The following PGAP1 variants were observed in gnomAD, a reference collection of about 807,000 sequenced individuals.
PGAP1 encodes post-GPI attachment to proteins inositol deacylase 1, also known as GPI inositol-deacylase.
A neutral mutation model predicts 127.0 loss-of-function variants in PGAP1; 76 were observed. That is an observed-to-expected ratio of 0.60 (90% confidence interval 0.50 to 0.72). The LOEUF (loss-of-function observed/expected upper bound fraction) is 0.72, where lower values mean the gene tolerates loss of function less well. Among genes scored for constraint, PGAP1 ranks in the 30% least tolerant of loss-of-function variants. PGAP1 has a pLI of 0.00. For missense variants in PGAP1, 982 were observed against 1,071.3 expected (o/e 0.92, Z 1.16); for synonymous variants, 362 against 366.5 (o/e 0.99, Z 0.14).
At chr2:196,873,817 T>G in intron 14 of PGAP1, 59 bp from the exon 15 acceptor site, 2 of 1,141,446 alleles carry the variant, frequency 1.8e-6, no homozygotes, top group South Asian at 2.6e-5. Flanking sequence ...AAAAACATAC[T>G]GATTATTTAA....
Position 196,872,502 on chromosome 2 carries a change from G to A in PGAP1, c.1667C>T (p.Pro556Leu). 1 of 1,613,420 alleles carries A rather than the reference G, an allele frequency of 6.2e-7. No homozygotes were observed. The highest frequency in any genetic ancestry group is 1.3e-5 in the African/African-American group (1 of 75,028). The change falls in exon 18 of 27, where the codon CCA becomes CTA. Residue 556 changes from proline (P) to leucine (L), a missense_variant. Pro to Leu is a moderately conservative substitution (Grantham distance 98). Transcript: ENST00000354764. Reference sequence around the variant, plus strand: ...TAATGCCACATGGGTATTGTTTTCTGGTTGAGCAATATGGAGTTTCAGAGA... The same window carrying A: ...TAATGCCACATGGGTATTGTTTTCTAGTTGAGCAATATGGAGTTTCAGAGA... ...EISLKLHIAQ[P>L]ENNTHVALFK...
At position 196,916,428 on chromosome 2, in the gene PGAP1, T is replaced by C. The variant is rs1464448294; in HGVS notation, c.467A>G (p.Lys156Arg). The change falls in exon 3 of 27, where the codon AAA becomes AGA. Residue 156 changes from lysine to arginine, a missense_variant. Lys to Arg is a conservative substitution (Grantham distance 26). Transcript: ENST00000354764. ...ATACTTATCTCTCACCTTATAGAGT[T>C]TGAGAATTGTTTTAATACATTCATG... ...FVHECIKTIL[K>R]LYKGQEFAPK... The C allele has an allele frequency of 2.5e-6, 4 of 1,608,250 alleles. No individual in the cohort carries two copies. The highest frequency in any genetic ancestry group is 2.2e-5 in the South Asian group (2 of 89,806).
At chr2:196,857,267 G>A (rs574701422) in intron 20 of PGAP1, among the ~76,000 whole-genome samples, 2 of 152,272 alleles carry the variant, frequency 1.3e-5, no homozygotes, top group South Asian at 2.1e-4. Context: ...TTAAATTTTT[G>A]TAGAAATACA....
intron 1 of PGAP1, chr2:196,922,709 C>T (rs1703243149): frequency 4.0e-6 from 1 of 250,278 alleles, no homozygotes; most frequent in Non-Finnish European, 6.1e-6. Flanking sequence ...AGACAGGGTC[C>T]CACTCTTGTT....
At chr2:196,897,282 G>T in intron 6 of PGAP1, 85 bp from the exon 7 acceptor site, 1 of 780,088 alleles carries the variant, frequency 1.3e-6, no homozygotes, top group South Asian at 2.4e-5. Flanking sequence ...ATTGTTTAGT[G>T]GAACATTTGA....
rs1451881190 is a variant in PGAP1 at position 196,880,145 on chromosome 2, T to A, written c.1281A>T (p.Thr427=). Residue 427 remains threonine (T), a synonymous_variant, in exon 13 of 27, where the codon ACA becomes ACT. Transcript: ENST00000354764. ...AELLPTIKYL[T]LRLQDYPSLS... ...AAGATGGATAGTCTTGAAGTCTTAA[T>A]GTCAGATACTAAAATAAAAAAAAAA... 6.5e-7 allele frequency: 1 copy of A among 1,536,748 alleles called. No individual in the cohort carries two copies. The highest frequency in any genetic ancestry group is 2.3e-5 in the East Asian group (1 of 42,608).
In PGAP1 at chr2:196,873,717, A is replaced by G. The variant is rs775485914; in HGVS notation, c.1468T>C (p.Tyr490His). The G allele has an allele frequency of 1.9e-6, 3 of 1,612,014 alleles. No individual in the cohort carries two copies. The highest frequency in any genetic ancestry group is 2.2e-5 in the South Asian group (2 of 90,998). Reference sequence around the variant, plus strand: ...AAGTTCAGAAGCTCTAGATTGTAGTATAGGCCATTTGTATTTAACACCACT... The same window carrying G: ...AAGTTCAGAAGCTCTAGATTGTAGTGTAGGCCATTTGTATTTAACACCACT... ...RKVVLNTNGL[Y>H]YNLELLNFGQ... is the part of the protein sequence containing the mutation. Residue 490 changes from tyrosine (Y) to histidine (H), a missense_variant, in exon 15 of 27, where the codon TAC becomes CAC. Coordinates refer to ENST00000354764, the MANE Select transcript of PGAP1 (RefSeq NM_024989.4).
At chr2:196,918,457 A>G (rs778827360) in intron 2 of PGAP1, among the ~76,000 whole-genome samples, 82 of 152,174 alleles carry the variant, frequency 5.4e-4, no homozygotes, top group Non-Finnish European at 1.0e-3. Flanking sequence ...GAATGGACAA[A>G]CCATGGTATA....
At chr2:196,891,035 C>G (rs1194454837) in intron 9 of PGAP1, 124 bp from the exon 10 acceptor site, 6 of 578,346 alleles carry the variant, frequency 1.0e-5, no homozygotes, top group Non-Finnish European at 1.9e-5. Flanking sequence ...TGTTGAGAAC[C>G]AATTCTCTAG....
chr2:196,888,759 T>C (rs1701999325), intron 10 of PGAP1, among the ~76,000 whole-genome samples: 1 of 152,140 alleles, frequency 6.6e-6, no homozygotes, highest in African/African-American at 2.4e-5. Context: ...ATGGAGTGAA[T>C]ATCAGATGAT....
intron 20 of PGAP1, among the ~76,000 whole-genome samples, chr2:196,857,823 T>G (rs557509858): frequency 1.3e-5 from 2 of 152,198 alleles, no homozygotes; most frequent in Non-Finnish European, 2.9e-5. Context: ...CAAACTGGCA[T>G]CGCCCTTGTT....
Position 196,872,462 on chromosome 2 carries a change from C to T in PGAP1, c.1707G>A (p.Thr569=), listed in dbSNP as rs542359986. The stretch of plus-strand genomic sequence containing the variant: ...TTACCTCGTACCGACAGTCTGATGA[C>T]GTGTACATTTTAAATAATGCCACAT... ...NTHVALFKMY[T]SSDCRYEVTV... is the part of the protein sequence containing the mutation. Residue 569 remains threonine (T), a synonymous_variant, in exon 18 of 27, where the codon ACG becomes ACA. Transcript: ENST00000354764. The T allele has an allele frequency of 2.4e-5, 39 of 1,608,454 alleles. No homozygotes were observed. Among genetic ancestry groups the T allele is most frequent in the Middle Eastern group, 3.3e-4 (2 of 6,058 alleles).
chr2:196,846,135 G>T, intron 22 of PGAP1, 118 bp from the exon 23 acceptor site: 1 of 510,368 alleles, frequency 2.0e-6, no homozygotes. Flanking sequence ...AAATACATAA[G>T]GTAAACAACA....
chr2:196,890,886 A>C lies in PGAP1; in HGVS notation c.1115T>G (p.Phe372Cys). Residue 372 changes from phenylalanine (F) to cysteine (C), a missense_variant, in exon 10 of 27, where the codon TTT becomes TGT. Coordinates refer to ENST00000354764, the MANE Select transcript of PGAP1 (RefSeq NM_024989.4). ...YNESEKIYFT[F>C]PLENHRKIYT... is the part of the protein sequence containing the mutation. ...GATTTTTCTATGATTTTCAAGAGGA[A>C]ATGTAAAATATATCTTCTCAGATTC... is the stretch of plus-strand genomic sequence containing the variant. 1 of 1,527,412 alleles carries C rather than the reference A, an allele frequency of 6.5e-7. No homozygotes were observed. Among genetic ancestry groups the C allele is most frequent in the Non-Finnish European group, 9.1e-7 (1 of 1,101,712 alleles). The allele number at this position is 1,527,412 out of a possible 1,614,324, so 94.6% of individuals were successfully genotyped here.
intron 8 of PGAP1, among the ~76,000 whole-genome samples, 159 bp from the exon 9 acceptor site, chr2:196,892,560 C>A (rs1275421432): frequency 6.6e-6 from 1 of 151,986 alleles, no homozygotes; most frequent in Non-Finnish European, 1.5e-5. Context: ...AATATATTTT[C>A]TATACACTCA....
At chr2:196,887,989 C>T (rs1020378379) in intron 10 of PGAP1, among the ~76,000 whole-genome samples, 3 of 152,068 alleles carry the variant, frequency 2.0e-5, no homozygotes, top group Non-Finnish European at 2.9e-5. Flanking sequence ...CAAAGGTAAC[C>T]CTCATTATGA....
chr2:196,889,260 T>C (rs967021239), intron 10 of PGAP1, among the ~76,000 whole-genome samples: 17 of 152,188 alleles, frequency 1.1e-4, no homozygotes, highest in Admixed American at 6.5e-5. Flanking sequence ...CAGGGTAAAC[T>C]GCCCATCTAG....
At position 196,890,829 on chromosome 2, in the gene PGAP1, A is replaced by G; in HGVS notation, c.1172T>C (p.Leu391Pro). The change falls in exon 10 of 27, where the codon CTG (leucine) becomes CCG (proline). Residue 391 changes from leucine (L) to proline (P), a missense_variant and splice_region_variant. Physicochemically the swap from Leu to Pro is moderately conservative, Grantham distance 98 (BLOSUM62 -3). Coordinates refer to ENST00000354764, the MANE Select transcript of PGAP1 (RefSeq NM_024989.4). ...CATAAAATGTACCAATTATCTTACC[A>G]GCATAGTGCTCTGACAATAGACATG... ...YTHVYCQSTM[L>P]DTNSWIFACI... is the part of the protein sequence containing the mutation. 1 of 1,518,410 alleles carries G rather than the reference A, an allele frequency of 6.6e-7. No homozygotes were observed. 94.1% of individuals were successfully genotyped at this position (1,518,410 alleles called of 1,614,324 possible). A position where few individuals can be genotyped will look rare whatever the true frequency, so the allele number is the denominator to read the frequency against.
At position 196,926,464 on chromosome 2, in the gene PGAP1, C is replaced by G; in HGVS notation, c.147+6G>C. 6.2e-7 allele frequency: 1 copy of G among 1,614,064 alleles called. No individual in the cohort carries two copies. Among genetic ancestry groups the G allele is most frequent in the East Asian group, 2.2e-5 (1 of 44,876 alleles). On this transcript the variant is annotated splice_donor_region_variant and intron_variant, in intron 1 of 26. Coordinates refer to ENST00000354764, the MANE Select transcript of PGAP1 (RefSeq NM_024989.4). ...GCGCCCGGCTGAGGAGAGGGCAGAA[C>G]CTTACCTGATACTCCGGGTACTCAA...
Sources: allele counts gnomAD v4.1 joint callset (sites outside exome capture counted in the v4.1 genomes callset), GRCh38; gene constraint gnomAD v4.1.1; transcripts MANE v1.5; gene names NCBI Gene and HGNC (gene_info 2026-07-23, HGNC 2026-07-21).